The following HERC6 variants were observed in gnomAD, a reference collection of about 807,000 sequenced individuals.
HERC6 encodes the protein HECT and RLD domain containing E3 ubiquitin protein ligase family member 6.
Under a neutral mutation model 114.5 loss-of-function variants are expected in HERC6, and 101 were observed. That is an observed-to-expected ratio of 0.88 (90% CI 0.75 to 1.04). HERC6 has a LOEUF of 1.04. Ranked by LOEUF, HERC6 falls within the 50% of genes least tolerant of loss-of-function variation. The pLI is 0.00. For synonymous variants in HERC6, 408 were observed against 436.2 expected (o/e 0.94, Z 0.81); for missense variants, 1,133 against 1,230.9 (o/e 0.92, Z 1.19).
chr4:88,415,749 C>G (rs1736419115), intron 12 of HERC6, among the ~76,000 whole-genome samples: 1 of 152,170 alleles, frequency 6.6e-6, no homozygotes, highest in East Asian at 1.9e-4. Context: ...ACTATAGGAC[C>G]ACCAGGTCTG....
chr4:88,442,513 T>G lies in HERC6; in HGVS notation c.*53T>G, dbSNP rs2149050575. ...TTCTCACACTTGGATCCTTCTGTTC[T>G]TCCTTACACCTAAATAATACAAGAG... is the stretch of plus-strand genomic sequence containing the variant. On this transcript the variant is annotated 3_prime_UTR_variant, in exon 23 of 23. Transcript: ENST00000264346. 2 of 1,257,318 alleles carry G rather than the reference T, an allele frequency of 1.6e-6. No homozygotes were observed. Among genetic ancestry groups the G allele is most frequent in the Admixed American group, 1.8e-5 (1 of 54,388 alleles). The allele number at this position is 1,257,318 out of a possible 1,614,324, so 77.9% of individuals were successfully genotyped here.
At chr4:88,395,200 T>G (rs1054593702) in intron 5 of HERC6, among the ~76,000 whole-genome samples, 1 of 152,134 alleles carries the variant, frequency 6.6e-6, no homozygotes, top group African/African-American at 2.4e-5. Flanking sequence ...ATTATATTAT[T>G]CTCAATATAA....
chr4:88,421,682 G>A (rs1359244005), intron 13 of HERC6, among the ~76,000 whole-genome samples: 2 of 152,112 alleles, frequency 1.3e-5, no homozygotes, highest in African/African-American at 2.4e-5. Context: ...CTGACCTCAA[G>A]TAATCCACCC....
Position 88,390,822 on chromosome 4 carries a change from T to C in HERC6, c.607T>C (p.Phe203Leu), listed in dbSNP as rs748943099. 3 of 1,614,164 alleles carry C rather than the reference T, an allele frequency of 1.9e-6. No homozygotes were observed. The highest frequency in any genetic ancestry group is 1.1e-5 in the South Asian group (1 of 91,072). ...SFALSLCGTS[F>L]GWGSNSAGQL... ...TGCCCTGTCTCTCTGTGGGACTTCG[T>C]TTGGCTGGGGAAGTAACAGTGCCGG... The change falls in exon 4 of 23, where the codon TTT becomes CTT. Residue 203 changes from phenylalanine (F) to leucine (L), a missense_variant. Phe to Leu is a conservative substitution (Grantham distance 22). Around this residue, in one of 3 missense-constraint regions of HERC6, gnomAD observed 735 missense variants for 754.0 expected, o/e 0.97. Transcript: ENST00000264346.
At chr4:88,414,621 G>A (rs996432665) in intron 12 of HERC6, among the ~76,000 whole-genome samples, 1 of 152,144 alleles carries the variant, frequency 6.6e-6, no homozygotes, top group African/African-American at 2.4e-5. Flanking sequence ...TGCTGAAGAA[G>A]GGGTGGGTTA....
At chr4:88,392,873 C>A (rs1216145433) in intron 4 of HERC6, among the ~76,000 whole-genome samples, 2 of 152,208 alleles carry the variant, frequency 1.3e-5, no homozygotes, top group Admixed American at 1.3e-4. Flanking sequence ...TCCTTGTAAC[C>A]AATGAACTTG....
At chr4:88,439,838 C>CCTT in intron 20 of HERC6, 36 bp from the exon 21 acceptor site, 1 of 1,284,498 alleles carries the variant, frequency 7.8e-7, no homozygotes, top group Non-Finnish European at 1.0e-6. Context: ...CTTTTCCTTC[C>CCTT]TTTCTTTTTT....
intron 10 of HERC6, among the ~76,000 whole-genome samples, chr4:88,408,208 A>G (rs1006887643): frequency 6.6e-6 from 1 of 152,080 alleles, no homozygotes; most frequent in Non-Finnish European, 1.5e-5. Context: ...AGGTAGTTCT[A>G]GTTCTTAGTG....
chr4:88,401,415 C>G (rs1260550959), intron 8 of HERC6, among the ~76,000 whole-genome samples: 1 of 150,404 alleles, frequency 6.6e-6, no homozygotes, highest in Non-Finnish European at 1.5e-5. Flanking sequence ...TTGCTTGAAC[C>G]TGGGAGGCGA....
intron 3 of HERC6, among the ~76,000 whole-genome samples, chr4:88,388,056 T>C (rs951280325): frequency 1.3e-5 from 2 of 152,244 alleles, no homozygotes; most frequent in Admixed American, 1.3e-4. Context: ...AAATAAAAGA[T>C]GTAATAACTT....
At position 88,442,522 on chromosome 4, in the gene HERC6, C is replaced by T; in HGVS notation, c.*62C>T. The stretch of plus-strand genomic sequence containing the variant: ...TTGGATCCTTCTGTTCTTCCTTACA[C>T]CTAAATAATACAAGAGATTAATGAA... On this transcript the variant is annotated 3_prime_UTR_variant, in exon 23 of 23. Transcript: ENST00000264346. 1 of 1,166,216 alleles carries T rather than the reference C, an allele frequency of 8.6e-7. No homozygotes were observed. The highest frequency in any genetic ancestry group is 1.3e-6 in the Non-Finnish European group (1 of 790,602). The allele number at this position is 1,166,216 out of a possible 1,614,324, so 72.2% of individuals were successfully genotyped here. A position where few individuals can be genotyped will look rare whatever the true frequency, so the allele number is the denominator to read the frequency against.
intron 1 of HERC6, among the ~76,000 whole-genome samples, chr4:88,381,979 C>G (rs1578364939): frequency 6.6e-6 from 1 of 152,196 alleles, no homozygotes; most frequent in Non-Finnish European, 1.5e-5. Context: ...TTGCCTTCAG[C>G]TCAAATTCTT....
intron 13 of HERC6, 99 bp downstream of exon 13, chr4:88,417,678 G>C: frequency 1.0e-6 from 1 of 970,370 alleles, no homozygotes; most frequent in Non-Finnish European, 1.5e-6. Context: ...TAAAAATCAT[G>C]AGGAGTCAAA....
rs1735919334 is a variant in HERC6 at position 88,408,534 on chromosome 4, G to C, written c.1285G>C (p.Glu429Gln). Residue 429 changes from glutamate to glutamine, a missense_variant, in exon 11 of 23, where the codon GAA (glutamate) becomes CAA (glutamine). Glu to Gln is a conservative substitution (Grantham distance 29, BLOSUM62 2). Transcript: ENST00000264346. ...ASFLKKRGTG[E>Q]TTSIDVDLEM... is the part of the protein sequence containing the mutation. ...TTCTTGTATCCAAAGAGGAACTGGA[G>C]AAACGACTTCCATTGATGTGGACTT... is the stretch of plus-strand genomic sequence containing the variant. 6.3e-7 allele frequency: 1 copy of C among 1,595,768 alleles called. No individual in the cohort carries two copies.
chr4:88,412,388 C>G (rs1736157453), intron 11 of HERC6, among the ~76,000 whole-genome samples: 1 of 152,234 alleles, frequency 6.6e-6, no homozygotes, highest in Admixed American at 6.5e-5. Flanking sequence ...GGAGTATCAC[C>G]TGAGCCCAAG....
intron 13 of HERC6, among the ~76,000 whole-genome samples, chr4:88,421,713 T>C (rs1737088235): frequency 6.6e-6 from 1 of 152,218 alleles, no homozygotes; most frequent in East Asian, 1.9e-4. Flanking sequence ...TTCAAAGTGC[T>C]AGGATTACAG....
intron 18 of HERC6, 89 bp from the exon 19 acceptor site, chr4:88,436,816 A>C: frequency 2.4e-6 from 2 of 842,896 alleles, no homozygotes; most frequent in Non-Finnish European, 3.7e-6. Context: ...ATACATTTCT[A>C]TATTGTTCAC....
Position 88,435,826 on chromosome 4 carries a change from T to A in HERC6, c.2352T>A (p.Tyr784Ter). The A allele has an allele frequency of 6.2e-7, 1 of 1,612,682 alleles. No homozygotes were observed. The highest frequency in any genetic ancestry group is 1.1e-5 in the South Asian group (1 of 90,900). The change falls in exon 18 of 23, where the codon TAT becomes TAA. Residue 784 changes from tyrosine (Y) to a stop codon, truncating the protein, a stop_gained. Transcript: ENST00000264346. LOFTEE classifies it high-confidence loss of function. The stretch of plus-strand genomic sequence containing the variant: ...ACCTTCCTTTCCCACTGGCTCTGTA[T>A]AAAAAACTTCTGGACCAAAAGCCAT... ...VANLPFPLAL[Y>*]KKLLDQKPSL...
At chr4:88,430,621 C>CT (rs1456466006) in intron 16 of HERC6, among the ~76,000 whole-genome samples, 1 of 148,760 alleles carries the variant, frequency 6.7e-6, no homozygotes, top group Non-Finnish European at 1.5e-5. Context: ...AAAAGAGGGA[C>CT]TGGTTAATGC....
Sources: allele counts gnomAD v4.1 joint callset (sites outside exome capture counted in the v4.1 genomes callset), GRCh38; gene constraint gnomAD v4.1.1; regional missense constraint gnomAD v4.1.1; transcripts MANE v1.5; gene names NCBI Gene and HGNC (gene_info 2026-07-23, HGNC 2026-07-21).